The following NXPE4 variants were observed in gnomAD, a reference collection of about 807,000 sequenced individuals.
The protein encoded by NXPE4 is NXPE family member 4.
In NXPE4, 42 loss-of-function variants were observed where a neutral mutation model predicts 33.3. The ratio of observed to expected loss-of-function variants is 1.26; its 90% confidence interval spans 0.98 to 1.63. NXPE4 has a LOEUF of 1.63. Among genes scored for constraint, NXPE4 ranks in the 40% most tolerant of loss-of-function variants. The probability of loss-of-function intolerance (pLI) is 0.00; values close to 1 mark genes in which losing one functional copy is unlikely to be tolerated. For missense variants in NXPE4, 709 were observed against 647.6 expected, an observed-to-expected ratio of 1.09 and a Z score of -1.03; for synonymous variants, 253 against 234.9, an observed-to-expected ratio of 1.08 and a Z score of -0.71.
At chr11:114,650,487 G>A in the NXPE4 span, among the ~76,000 whole-genome samples, 1 of 152,152 alleles carries the variant, frequency 6.6e-6, no homozygotes, top group Non-Finnish European at 1.5e-5. Context: ...CAGCAGCTAG[G>A]GGATGGGCAT....
the NXPE4 span, among the ~76,000 whole-genome samples, chr11:114,624,197 G>A: frequency 6.6e-6 from 1 of 152,052 alleles, no homozygotes; most frequent in Non-Finnish European, 1.5e-5. Context: ...TGCCTCTAGG[G>A]TAACCACTGT....
chr11:114,578,512 A>G (rs967503864), intron 5 of NXPE4, among the ~76,000 whole-genome samples: 14 of 152,180 alleles, frequency 9.2e-5, no homozygotes, highest in African/African-American at 3.4e-4. Context: ...GTCATTTACC[A>G]GAGATCACAA....
At position 114,582,840 on chromosome 11, in the gene NXPE4, G is replaced by A; in HGVS notation, c.278C>T (p.Thr93Ile). Reference protein sequence around the residue: ...IPPRPFTHVNTTTSATHSTAT... With the variant: ...IPPRPFTHVNITTSATHSTAT... Reference sequence around the variant, plus strand: ...TGTGCTATGTGTGGCGCTGGTGGTGGTGTTCACGTGGGTGAAAGGTCTGGG... The same window carrying A: ...TGTGCTATGTGTGGCGCTGGTGGTGATGTTCACGTGGGTGAAAGGTCTGGG... Residue 93 changes from threonine to isoleucine, a missense_variant, in exon 3 of 6, where the codon ACC becomes ATC. Thr to Ile is a moderately conservative substitution (Grantham distance 89). Coordinates refer to ENST00000375478, the MANE Select transcript of NXPE4 (RefSeq NM_001077639.2). 2 of 1,614,214 alleles carry A rather than the reference G, an allele frequency of 1.2e-6. No individual in the cohort carries two copies. The highest frequency in any genetic ancestry group is 2.2e-5 in the South Asian group (2 of 91,086).
the NXPE4 span, among the ~76,000 whole-genome samples, chr11:114,609,941 C>T: frequency 5.4e-4 from 82 of 151,896 alleles, no homozygotes; most frequent in African/African-American, 1.8e-3. Context: ...AGTGTTGCCT[C>T]GTGGGTAACC....
chr11:114,606,435 C>A, the NXPE4 span, among the ~76,000 whole-genome samples: 15 of 150,648 alleles, frequency 1.0e-4, no homozygotes, highest in Non-Finnish European at 1.9e-4. Flanking sequence ...TCGTGGGTAA[C>A]CAGTTTTACC....
intron 1 of NXPE4, 108 bp downstream of exon 1, chr11:114,595,484 C>A (rs1482606058): frequency 6.6e-6 from 1 of 152,246 alleles, no homozygotes; most frequent in Non-Finnish European, 1.5e-5. Flanking sequence ...CTAGAAGCAC[C>A]TTTCACCCCA....
intron 5 of NXPE4, among the ~76,000 whole-genome samples, chr11:114,572,847 C>T (rs1948920784): frequency 6.6e-6 from 1 of 152,132 alleles, no homozygotes; most frequent in Non-Finnish European, 1.5e-5. Flanking sequence ...CATCCAAATA[C>T]AAGCAGCTCA....
chr11:114,651,037 A>T, the NXPE4 span, among the ~76,000 whole-genome samples: 1 of 152,110 alleles, frequency 6.6e-6, no homozygotes, highest in East Asian at 1.9e-4. Flanking sequence ...AGTCTGTGGT[A>T]CATTGAAGGT....
upstream of NXPE4, among the ~76,000 whole-genome samples, chr11:114,596,869 G>A (rs1479653653): frequency 1.3e-5 from 2 of 152,128 alleles, no homozygotes; most frequent in Admixed American, 1.3e-4. Flanking sequence ...TATGAGGTAG[G>A]CACAATAGAT....
upstream of NXPE4, among the ~76,000 whole-genome samples, chr11:114,600,053 T>G (rs544362992): frequency 6.6e-6 from 1 of 152,258 alleles, no homozygotes; most frequent in Admixed American, 6.5e-5. Context: ...AAATACAAAG[T>G]GAGCATTAGA....
the NXPE4 span, among the ~76,000 whole-genome samples, chr11:114,618,461 A>G: frequency 6.6e-6 from 1 of 152,116 alleles, no homozygotes; most frequent in South Asian, 2.1e-4. Context: ...CTCATGGGTA[A>G]CCACTGTTAT....
chr11:114,656,500 C>A, the NXPE4 span, among the ~76,000 whole-genome samples: 2 of 152,084 alleles, frequency 1.3e-5, no homozygotes, highest in Non-Finnish European at 1.5e-5. Flanking sequence ...AGGAATCATG[C>A]TCCCTAGATC....
the NXPE4 span, among the ~76,000 whole-genome samples, chr11:114,666,317 C>T: frequency 6.6e-6 from 1 of 152,104 alleles, no homozygotes; most frequent in Non-Finnish European, 1.5e-5. Context: ...AGGCCAGTTC[C>T]AGGGCCTCCT....
chr11:114,587,925 G>A (rs764875715), intron 2 of NXPE4, among the ~76,000 whole-genome samples: 1 of 152,166 alleles, frequency 6.6e-6, no homozygotes, highest in Non-Finnish European at 1.5e-5. Context: ...CCTGCAGAGG[G>A]GAGCCTTAAT....
the NXPE4 span, among the ~76,000 whole-genome samples, chr11:114,648,114 G>C: frequency 1.3e-5 from 2 of 152,040 alleles, no homozygotes; most frequent in Non-Finnish European, 2.9e-5. Flanking sequence ...AAAACCCTTA[G>C]AATCTCCTAA....
the NXPE4 span, among the ~76,000 whole-genome samples, chr11:114,640,925 GTTTTGCTGTGC>G: frequency 6.6e-6 from 1 of 151,864 alleles, no homozygotes; most frequent in Non-Finnish European, 1.5e-5. Context: ...TCTGTTATTT[GTTTTGCTGTGC>G]AAAAGGAAAA....
chr11:114,626,783 AT>A, the NXPE4 span, among the ~76,000 whole-genome samples: 10 of 152,290 alleles, frequency 6.6e-5, 1 homozygote, highest in East Asian at 1.9e-3. Flanking sequence ...AAAATTTAGA[AT>A]AATGTATAAC....
chr11:114,573,090 GA>G (rs1462142050), intron 5 of NXPE4, among the ~76,000 whole-genome samples: 1 of 152,058 alleles, frequency 6.6e-6, no homozygotes, highest in Non-Finnish European at 1.5e-5. Context: ...TATCAGTCAA[GA>G]ATTTTGTATC....
rs1175057219 is a variant in NXPE4, at chr11:114,570,952, TTAA to T, written c.1618_1620del (p.Leu540del). On this transcript the variant is annotated inframe_deletion, in exon 6 of 6. Transcript: ENST00000375478. ...TTTTGTGTTATTTAACAAATATAGT[TTAA>T]TAATATATTAATCTGATTTCCGACT... The T allele has an allele frequency of 1.3e-6, 2 of 1,591,028 alleles. No individual in the cohort carries two copies. Among genetic ancestry groups the T allele is most frequent in the East Asian group, 4.5e-5 (2 of 44,402 alleles).
Sources: gnomAD v4.1 joint callset for allele counts (sites outside exome capture counted in the v4.1 genomes callset) on GRCh38, gnomAD v4.1.1 for gene constraint, MANE v1.5 for transcripts, NCBI Gene and HGNC (gene_info 2026-07-23, HGNC 2026-07-21) for gene names.